PCDH15: variants seen among roughly 807,000 people sequenced by gnomAD.
PCDH15 encodes the protein protocadherin-15.
A neutral mutation model predicts 178.5 loss-of-function variants in PCDH15; 129 were observed. That is an observed-to-expected ratio of 0.72 (90% confidence interval 0.63 to 0.84). The LOEUF (loss-of-function observed/expected upper bound fraction) is 0.84. Ranked by LOEUF, PCDH15 falls within the 40% of genes least tolerant of loss-of-function variation. The pLI is 0.00. For missense variants in PCDH15, 2,230 were observed against 2,099.9 expected, an observed-to-expected ratio of 1.06 and a Z score of -1.21; for synonymous variants, 800 against 732.0, an observed-to-expected ratio of 1.09 and a Z score of -1.50.
At chr10:55,030,185 G>T (rs1230216808) in intron 2 of PCDH15, among the ~76,000 whole-genome samples, 1 of 152,078 alleles carries the variant, frequency 6.6e-6, no homozygotes, top group African/African-American at 2.4e-5. Flanking sequence ...TAAATTAGAA[G>T]TTGGGTGCCA....
intron 10 of PCDH15, among the ~76,000 whole-genome samples, chr10:54,206,941 T>G (rs11004137): frequency 0.24 from 37,060 of 152,014 alleles, 5,878 homozygotes; most frequent in Non-Finnish European, 0.36. Context: ...TTTGAACATT[T>G]TACAATGTTT....
chr10:54,506,531 A>T (rs2081182725), intron 3 of PCDH15, among the ~76,000 whole-genome samples: 1 of 152,064 alleles, frequency 6.6e-6, no homozygotes, highest in Non-Finnish European at 1.5e-5. Context: ...TCCTTAACAT[A>T]GAGCTTGAAT....
At chr10:54,501,035 C>A (rs533504420) in intron 3 of PCDH15, among the ~76,000 whole-genome samples, 1 of 151,788 alleles carries the variant, frequency 6.6e-6, no homozygotes, top group Admixed American at 6.6e-5. Context: ...GGGAGCTGAA[C>A]GATGAGAATA....
intron 5 of PCDH15, among the ~76,000 whole-genome samples, chr10:54,348,090 T>C (rs9415307): frequency 0.12 from 17,984 of 151,790 alleles, 1,907 homozygotes; most frequent in African/African-American, 0.29. Flanking sequence ...CCTCATGATC[T>C]GCCCACCTCA....
chr10:54,340,497 C>A (rs1485953573), intron 6 of PCDH15, among the ~76,000 whole-genome samples: 1 of 152,110 alleles, frequency 6.6e-6, no homozygotes, highest in East Asian at 1.9e-4. Context: ...GCAGTGAATC[C>A]ATATGGGTCT....
intron 1 of PCDH15, among the ~76,000 whole-genome samples, chr10:55,195,229 G>C (rs895230079): frequency 6.6e-6 from 1 of 151,606 alleles, no homozygotes; most frequent in Admixed American, 6.6e-5. Flanking sequence ...TCACCATATT[G>C]GTCAGGCTGC....
chr10:55,421,363 A>T (rs1838617287), intron 2 of PCDH15, among the ~76,000 whole-genome samples: 2 of 150,430 alleles, frequency 1.3e-5, no homozygotes, highest in East Asian at 3.9e-4. Flanking sequence ...TATTTTTAAC[A>T]AAAGTAGAAA....
At chr10:55,585,258 A>G (rs1207343094) in intron 2 of PCDH15, among the ~76,000 whole-genome samples, 1 of 152,160 alleles carries the variant, frequency 6.6e-6, no homozygotes, top group Non-Finnish European at 1.5e-5. Context: ...TTCTTGAAGA[A>G]AATCAGTGCT....
At chr10:53,864,606 T>G (rs1205350916) in intron 27 of PCDH15, among the ~76,000 whole-genome samples, 6 of 151,906 alleles carry the variant, frequency 3.9e-5, no homozygotes, top group Admixed American at 3.3e-4. Flanking sequence ...TCAAAAGGAG[T>G]ATTAAAACCC....
At chr10:54,933,457 G>C (rs1837831250) in intron 2 of PCDH15, among the ~76,000 whole-genome samples, 2 of 152,108 alleles carry the variant, frequency 1.3e-5, no homozygotes, top group Admixed American at 6.6e-5. Context: ...TTGAAGTGTA[G>C]ATTAGAAAGA....
At chr10:54,875,396 C>G (rs2131799873) in intron 3 of PCDH15, among the ~76,000 whole-genome samples, 1 of 152,190 alleles carries the variant, frequency 6.6e-6, no homozygotes, top group Admixed American at 6.5e-5. Context: ...CAGTTAATTA[C>G]CTTACAGTGA....
At chr10:55,516,778 C>T (rs942164699) in intron 2 of PCDH15, among the ~76,000 whole-genome samples, 9 of 151,962 alleles carry the variant, frequency 5.9e-5, no homozygotes, top group African/African-American at 2.2e-4. Context: ...GCAAGTTAAG[C>T]CAAAATTTAA....
At chr10:54,695,838 T>C (rs983047495) in intron 1 of PCDH15, among the ~76,000 whole-genome samples, 3 of 151,878 alleles carry the variant, frequency 2.0e-5, no homozygotes, top group Admixed American at 1.3e-4. Flanking sequence ...ATTTTTTCCA[T>C]TGGGGCTTCA....
intron 3 of PCDH15, among the ~76,000 whole-genome samples, chr10:54,821,659 T>C (rs897612574): frequency 1.3e-5 from 2 of 152,152 alleles, no homozygotes; most frequent in African/African-American, 4.8e-5. Flanking sequence ...GTGATATTAA[T>C]ATCTCTAGTG....
intron 15 of PCDH15, among the ~76,000 whole-genome samples, chr10:54,115,366 T>C (rs957372323): frequency 6.6e-6 from 1 of 152,182 alleles, no homozygotes; most frequent in Non-Finnish European, 1.5e-5. Context: ...AATACTAATT[T>C]TGAGATGCTC....
intron 2 of PCDH15, among the ~76,000 whole-genome samples, chr10:54,649,191 G>A (rs552384603): frequency 6.6e-6 from 1 of 152,264 alleles, no homozygotes; most frequent in African/African-American, 2.4e-5. Flanking sequence ...AATCCGACAT[G>A]AGCAAAGAAG....
intron 2 of PCDH15, among the ~76,000 whole-genome samples, chr10:54,982,251 C>T (rs1468026850): frequency 1.3e-5 from 2 of 152,024 alleles, no homozygotes; most frequent in Non-Finnish European, 1.5e-5. Context: ...ATTTCAAATG[C>T]TAGAGGCAAT....
chr10:55,440,337 T>C (rs1200160056), intron 2 of PCDH15, among the ~76,000 whole-genome samples: 1 of 152,164 alleles, frequency 6.6e-6, no homozygotes, highest in Non-Finnish European at 1.5e-5. Context: ...CACATTTCTC[T>C]TAGTGCAAAA....
chr10:54,569,204 TATA>T (rs2089459867), intron 2 of PCDH15, among the ~76,000 whole-genome samples: 3 of 152,094 alleles, frequency 2.0e-5, no homozygotes, highest in African/African-American at 7.2e-5. Context: ...TTGAACTTTT[TATA>T]AAATTAAAGT....
Sources: gnomAD v4.1 joint callset for allele counts (sites outside exome capture counted in the v4.1 genomes callset) on GRCh38, gnomAD v4.1.1 for gene constraint, MANE v1.5 for transcripts, NCBI Gene and HGNC (gene_info 2026-07-23, HGNC 2026-07-21) for gene names.